The following SCN10A variants were observed in gnomAD, a reference collection of about 807,000 sequenced individuals.
SCN10A encodes the protein sodium voltage-gated channel alpha subunit 10.
Under a neutral mutation model 170.7 loss-of-function variants are expected in SCN10A, and 162 were observed. The ratio of observed to expected loss-of-function variants is 0.95; its 90% CI spans 0.84 to 1.08. The LOEUF is 1.08. SCN10A is among the 50% of genes least tolerant of loss of function. The pLI is 0.00. For missense variants in SCN10A, 2,527 were observed against 2,436.9 expected, an observed-to-expected ratio of 1.04 and a Z score of -0.78; for synonymous variants, 985 against 904.6, an observed-to-expected ratio of 1.09 and a Z score of -1.59.
chr3:38,763,692 A>G (rs2063901432), intron 5 of SCN10A, 96 bp from the exon 6 acceptor site: 8 of 864,080 alleles, frequency 9.3e-6, no homozygotes, highest in Non-Finnish European at 1.5e-5. Context: ...ATTAGCCTAG[A>G]AAGGATGCAG....
intron 20 of SCN10A, 63 bp from the exon 21 acceptor site, chr3:38,718,889 T>G (rs1343427082): frequency 5.2e-6 from 8 of 1,525,036 alleles, no homozygotes; most frequent in Non-Finnish European, 7.1e-6. Context: ...GGGCCCAGAC[T>G]GATAGGGAAG....
At chr3:38,785,926 A>G (rs1163872130) in intron 4 of SCN10A, among the ~76,000 whole-genome samples, 5 of 152,230 alleles carry the variant, frequency 3.3e-5, no homozygotes, top group Non-Finnish European at 7.3e-5. Context: ...AACCACAATG[A>G]GATGGAGTCT....
At chr3:38,764,006 T>C (rs1173877987) in intron 5 of SCN10A, among the ~76,000 whole-genome samples, 2 of 152,096 alleles carry the variant, frequency 1.3e-5, no homozygotes, top group African/African-American at 4.8e-5. Flanking sequence ...ATGGGACTAA[T>C]CTTGGAAAGC....
intron 1 of SCN10A, among the ~76,000 whole-genome samples, chr3:38,799,399 A>T (rs946109984): frequency 2.0e-5 from 3 of 152,208 alleles, no homozygotes; most frequent in Non-Finnish European, 4.4e-5. Flanking sequence ...CAGAATTTGT[A>T]AACAAGTGTC....
chr3:38,706,351 C>T (rs2063211070), intron 26 of SCN10A, among the ~76,000 whole-genome samples: 1 of 152,176 alleles, frequency 6.6e-6, no homozygotes, highest in Admixed American at 6.5e-5. Flanking sequence ...GGACTTTTCC[C>T]TTGTGTGGGG....
At chr3:38,789,073 A>G (rs2064246675) in intron 3 of SCN10A, 37 bp from the exon 4 acceptor site, 2 of 1,213,316 alleles carry the variant, frequency 1.6e-6, no homozygotes, top group East Asian at 4.7e-5. Flanking sequence ...TGAGATCACC[A>G]AGTCTCTGTG....
At chr3:38,726,229 A>T (rs1020690362) in intron 17 of SCN10A, among the ~76,000 whole-genome samples, 1 of 152,196 alleles carries the variant, frequency 6.6e-6, no homozygotes, top group Non-Finnish European at 1.5e-5. Flanking sequence ...AAGAATCAGG[A>T]CTTCTTAGGA....
intron 25 of SCN10A, among the ~76,000 whole-genome samples, chr3:38,708,461 T>TC (rs1216220731): frequency 6.6e-6 from 1 of 152,182 alleles, no homozygotes; most frequent in Non-Finnish European, 1.5e-5. Context: ...CACTGTCTTG[T>TC]CCCAGACCTA....
chr3:38,812,130 C>T (rs766088271), intron 1 of SCN10A, among the ~76,000 whole-genome samples: 3 of 152,222 alleles, frequency 2.0e-5, no homozygotes, highest in Non-Finnish European at 4.4e-5. Context: ...AAAATGTGAT[C>T]ACAGCTTTAT....
chr3:38,749,508 T>C (rs2063726048), intron 13 of SCN10A, among the ~76,000 whole-genome samples: 2 of 152,232 alleles, frequency 1.3e-5, no homozygotes, highest in Admixed American at 1.3e-4. Context: ...TTAGATACAT[T>C]GCTGGGGAGA....
chr3:38,761,208 G>A lies in SCN10A; in HGVS notation c.867C>T (p.Tyr289=), dbSNP rs1163235946. Reference sequence around the variant, plus strand: ...TCCACTCACGTTTTCTGTGAGATGAGTAGTTGGTTGTCTCATTGACAGCCA... The same window carrying A: ...TCCACTCACGTTTTCTGTGAGATGAATAGTTGGTTGTCTCATTGACAGCCA... ...NDMAVNETTN[Y]SSHRKPDIYI... Residue 289 remains tyrosine, a synonymous_variant, in exon 7 of 28, where the codon TAC becomes TAT. Coordinates refer to ENST00000449082, the MANE Select transcript of SCN10A (RefSeq NM_006514.4). 3 of 1,612,520 alleles carry A rather than the reference G, an allele frequency of 1.9e-6. No homozygotes were observed. Among genetic ancestry groups the A allele is most frequent in the Admixed American group, 3.3e-5 (2 of 59,990 alleles).
intron 15 of SCN10A, among the ~76,000 whole-genome samples, chr3:38,730,492 A>G (rs72866235): frequency 0.13 from 19,480 of 152,206 alleles, 2,538 homozygotes; most frequent in African/African-American, 0.33. Context: ...AACAGAAGGA[A>G]TGAGTCATCA....
At chr3:38,797,708 C>T (rs2064348554) in intron 1 of SCN10A, among the ~76,000 whole-genome samples, 1 of 152,154 alleles carries the variant, frequency 6.6e-6, no homozygotes, top group Admixed American at 6.6e-5. Context: ...AAATTTGAAT[C>T]CCAGGACTCA....
chr3:38,723,541 T>C lies in SCN10A; in HGVS notation c.3241A>G (p.Thr1081Ala), dbSNP rs2063418320. 1 of 1,597,364 alleles carries C rather than the reference T, an allele frequency of 6.3e-7. No individual in the cohort carries two copies. Among genetic ancestry groups the C allele is most frequent in the African/African-American group, 1.3e-5 (1 of 74,682 alleles). Residue 1081 changes from threonine (T) to alanine (A), a missense_variant, in exon 19 of 28, where the codon ACA becomes GCA. Transcript: ENST00000449082. Reference sequence around the variant, plus strand: ...ACCGTGCTGCCCTCAGAGGAGCTTGTGTCGTCCACTCCCTGCAGGGGAGAA... The same window carrying C: ...ACCGTGCTGCCCTCAGAGGAGCTTGCGTCGTCCACTCCCTGCAGGGGAGAA... ...PQVPAEGVDDTSSSEGSTVDC... is the reference protein window; with the variant it reads ...PQVPAEGVDDASSSEGSTVDC...
chr3:38,786,058 A>G (rs1033320457), intron 4 of SCN10A, among the ~76,000 whole-genome samples: 1 of 152,170 alleles, frequency 6.6e-6, no homozygotes, highest in Non-Finnish European at 1.5e-5. Context: ...ACCATTGTGG[A>G]AGACAGTGTG....
intron 15 of SCN10A, among the ~76,000 whole-genome samples, chr3:38,736,414 T>C (rs1314299247): frequency 4.7e-5 from 6 of 128,328 alleles, no homozygotes; most frequent in African/African-American, 1.7e-4. Context: ...TGTTGTGGGA[T>C]TGATGGTATA....
intron 15 of SCN10A, among the ~76,000 whole-genome samples, chr3:38,734,004 A>T (rs546491492): frequency 6.6e-6 from 1 of 150,962 alleles, no homozygotes; most frequent in Admixed American, 6.6e-5. Context: ...ACAGGCATTA[A>T]CCACTGCCCC....
chr3:38,725,123 G>C (rs1332988937), intron 18 of SCN10A, 51 bp downstream of exon 18: 3 of 1,509,200 alleles, frequency 2.0e-6, no homozygotes, highest in South Asian at 1.3e-5. Flanking sequence ...CCAGCCCACT[G>C]CTCAGTGTCT....
rs2063610211 is a variant in SCN10A at position 38,739,693 on chromosome 3, G to A, written c.2107-5C>T. ...AGTAAAAAATATGGTAAAGACCTAG[G>A]AGTGGAAACAAGCTTTCATCACAGT... On this transcript the variant is annotated splice_region_variant and splice_polypyrimidine_tract_variant and intron_variant, in intron 14 of 27. Coordinates refer to ENST00000449082, the MANE Select transcript of SCN10A (RefSeq NM_006514.4). 1 of 1,609,458 alleles carries A rather than the reference G, an allele frequency of 6.2e-7. No individual in the cohort carries two copies. The highest frequency in any genetic ancestry group is 1.1e-5 in the South Asian group (1 of 90,724).
Sources: gnomAD v4.1 joint callset for allele counts (sites outside exome capture counted in the v4.1 genomes callset) on GRCh38, gnomAD v4.1.1 for gene constraint, MANE v1.5 for transcripts, NCBI Gene and HGNC (gene_info 2026-07-23, HGNC 2026-07-21) for gene names.